MTMR12: variants seen among roughly 807,000 people sequenced by gnomAD.
MTMR12 encodes myotubularin related protein 12.
MTMR12 carries 33 observed loss-of-function variants against 96.7 expected under a neutral mutation model. That is an observed-to-expected ratio of 0.34 (90% confidence interval 0.26 to 0.46). MTMR12 has a LOEUF of 0.46. Ranked by LOEUF, MTMR12 falls within the 20% of genes least tolerant of loss-of-function variation. The pLI is 1.00. For missense variants in MTMR12, 721 were observed against 896.1 expected, an observed-to-expected ratio of 0.80 and a Z score of 2.49; for synonymous variants, 298 against 327.2, an observed-to-expected ratio of 0.91 and a Z score of 0.96.
intron 1 of MTMR12, among the ~76,000 whole-genome samples, chr5:32,307,409 G>A (rs1401896299): frequency 6.6e-6 from 1 of 152,034 alleles, no homozygotes; most frequent in African/African-American, 2.4e-5. Flanking sequence ...TGGGGTGGGG[G>A]TGCTGCGATG....
At chr5:32,306,521 G>A (rs1376269519) in intron 1 of MTMR12, among the ~76,000 whole-genome samples, 1 of 152,012 alleles carries the variant, frequency 6.6e-6, no homozygotes, top group Non-Finnish European at 1.5e-5. Flanking sequence ...ATTTTTTCCT[G>A]AGGGATAAAT....
intron 1 of MTMR12, among the ~76,000 whole-genome samples, chr5:32,299,420 G>A (rs1234159838): frequency 3.3e-5 from 5 of 152,116 alleles, no homozygotes; most frequent in African/African-American, 1.2e-4. Context: ...GAAAAAAGGT[G>A]TCAGGTGGCA....
intron 9 of MTMR12, among the ~76,000 whole-genome samples, chr5:32,248,481 T>C: frequency 6.6e-6 from 1 of 152,202 alleles, no homozygotes; most frequent in East Asian, 1.9e-4. Flanking sequence ...TAGAATAGTA[T>C]TGTGACATGT....
At chr5:32,265,606 G>A (rs141164568) in intron 6 of MTMR12, among the ~76,000 whole-genome samples, 121 of 152,326 alleles carry the variant, frequency 7.9e-4, no homozygotes, top group African/African-American at 2.6e-3. Context: ...ATCAGCACTT[G>A]TATATATAGT....
intron 13 of MTMR12, among the ~76,000 whole-genome samples, chr5:32,238,119 G>A (rs1037293447): frequency 7.8e-6 from 1 of 127,868 alleles, no homozygotes; most frequent in Non-Finnish European, 1.6e-5. Context: ...ACTCTAGCCT[G>A]TGCAACAGAG....
intron 1 of MTMR12, among the ~76,000 whole-genome samples, chr5:32,308,694 G>A (rs374724766): frequency 2.6e-5 from 4 of 151,794 alleles, no homozygotes; most frequent in Non-Finnish European, 5.9e-5. Flanking sequence ...TCTGCCTCCT[G>A]GGTTCAAGGG....
chr5:32,296,455 G>C (rs1333982254), intron 1 of MTMR12: 1 of 364,368 alleles, frequency 2.7e-6, no homozygotes, highest in South Asian at 2.0e-5. Flanking sequence ...TTCCAGTCTG[G>C]GCAACAGAGC....
intron 1 of MTMR12, among the ~76,000 whole-genome samples, chr5:32,308,770 A>G (rs1193386492): frequency 6.6e-6 from 1 of 151,934 alleles, no homozygotes; most frequent in Non-Finnish European, 1.5e-5. Flanking sequence ...ACGCCCAGGT[A>G]ATTTTTGTAT....
intron 3 of MTMR12, 48 bp from the exon 4 acceptor site, chr5:32,271,953 G>A (rs762098395): frequency 8.8e-7 from 1 of 1,136,016 alleles, no homozygotes; most frequent in Non-Finnish European, 1.3e-6. Flanking sequence ...CATACTGTTA[G>A]ACATTTATAG....
intron 6 of MTMR12, among the ~76,000 whole-genome samples, chr5:32,264,766 C>T (rs1749528008): frequency 6.6e-6 from 1 of 152,032 alleles, no homozygotes; most frequent in South Asian, 2.1e-4. Flanking sequence ...GCCTATATTA[C>T]ATTTTATTAA....
At chr5:32,273,248 A>G (rs1281164627) in intron 3 of MTMR12, among the ~76,000 whole-genome samples, 1 of 152,142 alleles carries the variant, frequency 6.6e-6, no homozygotes, top group African/African-American at 2.4e-5. Flanking sequence ...AAAAATAACA[A>G]AATTAGCCAG....
At chr5:32,262,990 G>T in intron 7 of MTMR12, 123 bp downstream of exon 7, 2 of 1,270,672 alleles carry the variant, frequency 1.6e-6, no homozygotes, top group Non-Finnish European at 2.2e-6. Context: ...TTTCTTTTTG[G>T]GAGGATGAAA....
At chr5:32,291,825 C>A (rs949596725) in intron 1 of MTMR12, among the ~76,000 whole-genome samples, 1 of 152,182 alleles carries the variant, frequency 6.6e-6, no homozygotes, top group Admixed American at 6.5e-5. Context: ...TTCCTCAGGG[C>A]GATCAGCCAG....
intron 10 of MTMR12, among the ~76,000 whole-genome samples, chr5:32,245,403 T>A (rs1311294870): frequency 6.6e-6 from 1 of 152,228 alleles, no homozygotes; most frequent in African/African-American, 2.4e-5. Flanking sequence ...TTAAGGTAGA[T>A]GCCTAATGAG....
At chr5:32,266,795 T>G (rs1749615983) in intron 6 of MTMR12, among the ~76,000 whole-genome samples, 1 of 151,026 alleles carries the variant, frequency 6.6e-6, no homozygotes, top group Admixed American at 6.6e-5. Flanking sequence ...GAGTAATGGA[T>G]GGAGCCGGGC....
chr5:32,244,229 T>C (rs1259562243), intron 10 of MTMR12, among the ~76,000 whole-genome samples: 2 of 150,572 alleles, frequency 1.3e-5, no homozygotes, highest in African/African-American at 2.5e-5. Context: ...CAGTGAGCTA[T>C]GGTGGCGCCA....
intron 1 of MTMR12, among the ~76,000 whole-genome samples, chr5:32,283,557 C>T (rs894037577): frequency 1.3e-5 from 2 of 152,154 alleles, no homozygotes; most frequent in African/African-American, 4.8e-5. Flanking sequence ...GCGCAGTCTG[C>T]GTTCCTGGCC....
At chr5:32,285,038 T>A (rs1213932729) in intron 1 of MTMR12, among the ~76,000 whole-genome samples, 1 of 152,112 alleles carries the variant, frequency 6.6e-6, no homozygotes, top group African/African-American at 2.4e-5. Flanking sequence ...AACTAGAATA[T>A]CTCAGTGGGG....
intron 7 of MTMR12, among the ~76,000 whole-genome samples, chr5:32,256,957 G>T (rs1260389598): frequency 6.6e-6 from 1 of 152,182 alleles, no homozygotes; most frequent in Non-Finnish European, 1.5e-5. Flanking sequence ...TTTAAAAAAA[G>T]ATTAAAAAGA....
Sources: gnomAD v4.1 joint callset for allele counts (sites outside exome capture counted in the v4.1 genomes callset) on GRCh38, gnomAD v4.1.1 for gene constraint, MANE v1.5 for transcripts, NCBI Gene and HGNC (gene_info 2026-07-23, HGNC 2026-07-21) for gene names.